BMAL1: variants seen among roughly 807,000 people sequenced by gnomAD.
The protein encoded by BMAL1 is basic helix-loop-helix ARNT-like protein 1.
chr11:13,378,566 G>A, the BMAL1 span: 3 of 1,367,006 alleles, frequency 2.2e-6, no homozygotes, highest in East Asian at 2.5e-5. Flanking sequence ...CTGGGTGGGA[G>A]GTTGCTACTT....
chr11:13,305,699 G>T, the BMAL1 span, among the ~76,000 whole-genome samples: 1 of 152,174 alleles, frequency 6.6e-6, no homozygotes, highest in Non-Finnish European at 1.5e-5. Flanking sequence ...GAAAGCATCA[G>T]CCTGTCACCA....
At chr11:13,354,988 A>T in the BMAL1 span, 3 of 362,140 alleles carry the variant, frequency 8.3e-6, no homozygotes, top group Non-Finnish European at 1.5e-5. Flanking sequence ...GTTTATTTTT[A>T]GACTTGTTGA....
the BMAL1 span, among the ~76,000 whole-genome samples, chr11:13,297,293 C>T: frequency 6.6e-6 from 1 of 152,162 alleles, no homozygotes; most frequent in Non-Finnish European, 1.5e-5. Context: ...ACAAGACAAG[C>T]CTGGAGAAGG....
the BMAL1 span, among the ~76,000 whole-genome samples, chr11:13,349,456 G>A: frequency 6.6e-6 from 1 of 152,154 alleles, no homozygotes; most frequent in Admixed American, 6.5e-5. Context: ...ACCTCTCTGT[G>A]CCTCAGTCTC....
the BMAL1 span, among the ~76,000 whole-genome samples, chr11:13,350,433 G>C: frequency 6.6e-6 from 1 of 150,884 alleles, no homozygotes; most frequent in East Asian, 1.9e-4. Context: ...GGATAAATCA[G>C]AGAGAATAGC....
the BMAL1 span, among the ~76,000 whole-genome samples, chr11:13,299,360 C>T: frequency 6.6e-6 from 1 of 151,994 alleles, no homozygotes; most frequent in Non-Finnish European, 1.5e-5. Flanking sequence ...CGAGAGGGTG[C>T]AGGAGAAAAG....
the BMAL1 span, among the ~76,000 whole-genome samples, chr11:13,306,858 CTGTTCTTTGTGTGTTGGCA>C: frequency 6.6e-6 from 1 of 152,358 alleles, no homozygotes; most frequent in Non-Finnish European, 1.5e-5. Flanking sequence ...TCCTTGCCTT[CTGTTCTTTGTGTGTTGGCA>C]TCAGACCTCT....
the BMAL1 span, chr11:13,354,294 A>G: frequency 1.3e-6 from 2 of 1,591,306 alleles, no homozygotes; most frequent in Non-Finnish European, 1.7e-6. Flanking sequence ...TCTTGTAACA[A>G]TTCCAGATCA....
chr11:13,386,864 G>C, the BMAL1 span: 16 of 1,330,354 alleles, frequency 1.2e-5, no homozygotes, highest in Non-Finnish European at 1.6e-5. Context: ...TTTATGTACT[G>C]ACTTCATAAA....
chr11:13,385,134 G>A, the BMAL1 span, among the ~76,000 whole-genome samples: 1 of 152,160 alleles, frequency 6.6e-6, no homozygotes, highest in Non-Finnish European at 1.5e-5. Flanking sequence ...GAGTGGGGGA[G>A]ATTTTGAGAC....
chr11:13,322,621 C>G, the BMAL1 span, among the ~76,000 whole-genome samples: 1 of 151,968 alleles, frequency 6.6e-6, no homozygotes, highest in Admixed American at 6.6e-5. Context: ...AGTCACTGAC[C>G]TCAAGAAGCT....
At chr11:13,373,784 C>T in the BMAL1 span, among the ~76,000 whole-genome samples, 15 of 152,334 alleles carry the variant, frequency 9.8e-5, no homozygotes, top group African/African-American at 3.6e-4. Context: ...GCTGGGATGA[C>T]AGGCATGAAC....
the BMAL1 span, among the ~76,000 whole-genome samples, chr11:13,278,619 T>C: frequency 6.6e-6 from 1 of 152,160 alleles, no homozygotes; most frequent in Non-Finnish European, 1.5e-5. Flanking sequence ...GACCCCAGCC[T>C]GCGAACTTTC....
chr11:13,340,825 A>G, the BMAL1 span, among the ~76,000 whole-genome samples: 3 of 152,188 alleles, frequency 2.0e-5, no homozygotes, highest in African/African-American at 7.2e-5. Flanking sequence ...GCACAAGGCC[A>G]TCCACTTCCA....
the BMAL1 span, among the ~76,000 whole-genome samples, chr11:13,373,369 A>G: frequency 1.3e-5 from 2 of 152,340 alleles, no homozygotes; most frequent in African/African-American, 4.8e-5. Flanking sequence ...CATGCTGGAA[A>G]AAGAGACAGC....
chr11:13,347,760 G>A, the BMAL1 span, among the ~76,000 whole-genome samples: 111 of 152,290 alleles, frequency 7.3e-4, no homozygotes, highest in African/African-American at 2.4e-3. Flanking sequence ...TGAGGCAGGA[G>A]GATAGTTTGA....
the BMAL1 span, among the ~76,000 whole-genome samples, chr11:13,337,701 G>C: frequency 1.1e-4 from 17 of 152,180 alleles, no homozygotes; most frequent in African/African-American, 4.1e-4. Flanking sequence ...GCATGTTTTT[G>C]TATACTTACT....
the BMAL1 span, among the ~76,000 whole-genome samples, chr11:13,361,392 C>A: frequency 6.6e-6 from 1 of 151,254 alleles, no homozygotes; most frequent in African/African-American, 2.4e-5. Flanking sequence ...AATAGAAAAA[C>A]GTAACTAAAA....
the BMAL1 span, chr11:13,385,940 C>CT: frequency 7.1e-5 from 48 of 679,496 alleles, no homozygotes; most frequent in Admixed American, 5.1e-4. Context: ...GTTTAAATCT[C>CT]TAAAAAGTTG....
Sources: gnomAD v4.1 joint callset for allele counts (sites outside exome capture counted in the v4.1 genomes callset) on GRCh38, gnomAD v4.1.1 for gene constraint, MANE v1.5 for transcripts, NCBI Gene and HGNC (gene_info 2026-07-23, HGNC 2026-07-21) for gene names.